Variants in ITPRID1 observed in about 807,000 individuals in gnomAD.
The protein encoded by ITPRID1 is protein ITPRID1.
ITPRID1 carries 96 observed loss-of-function variants against 95.4 expected under a neutral mutation model. The observed-to-expected ratio is 1.01, with a 90% CI of 0.85 to 1.19. The LOEUF (loss-of-function observed/expected upper bound fraction) is 1.19, where lower values mean the gene tolerates loss of function less well. ITPRID1 is among the 50% of genes most tolerant of loss of function. The pLI is 0.00. For synonymous variants in ITPRID1, 510 were observed against 453.6 expected, an observed-to-expected ratio of 1.12 and a Z score of -1.58; for missense variants, 1,339 against 1,252.9, an observed-to-expected ratio of 1.07 and a Z score of -1.04.
chr7:31,647,074 A>G (rs764102441), intron 12 of ITPRID1, among the ~76,000 whole-genome samples: 32 of 152,256 alleles, frequency 2.1e-4, no homozygotes, highest in Non-Finnish European at 3.5e-4. Flanking sequence ...GCAGGCATAC[A>G]TATGCACACA....
At chr7:31,572,024 A>T in intron 6 of ITPRID1, 78 bp from the exon 7 acceptor site, 1 of 893,882 alleles carries the variant, frequency 1.1e-6, no homozygotes, top group Non-Finnish European at 1.8e-6. Flanking sequence ...TTTGCTCTGG[A>T]AGGAAAAGAT....
chr7:31,536,310 A>G (rs1783756501), intron 1 of ITPRID1, among the ~76,000 whole-genome samples: 1 of 151,966 alleles, frequency 6.6e-6, no homozygotes, highest in South Asian at 2.1e-4. Flanking sequence ...CATGTCTTGC[A>G]TTCTTTTTGT....
At chr7:31,626,011 A>G (rs190542857) in intron 10 of ITPRID1, among the ~76,000 whole-genome samples, 1 of 152,210 alleles carries the variant, frequency 6.6e-6, no homozygotes, top group African/African-American at 2.4e-5. Flanking sequence ...AAAAAACTTT[A>G]TGACTAACTC....
intron 10 of ITPRID1, among the ~76,000 whole-genome samples, chr7:31,616,595 T>G (rs1787253749): frequency 6.6e-6 from 1 of 152,164 alleles, no homozygotes; most frequent in Non-Finnish European, 1.5e-5. Flanking sequence ...TCTCATTGAT[T>G]CCACAGGCAC....
chr7:31,526,868 T>C (rs187602039), intron 1 of ITPRID1, among the ~76,000 whole-genome samples: 110 of 152,284 alleles, frequency 7.2e-4, no homozygotes, highest in Non-Finnish European at 1.3e-3. Context: ...CTTCCATTCA[T>C]TCCATTCTCC....
intron 5 of ITPRID1, among the ~76,000 whole-genome samples, chr7:31,568,869 A>T (rs913409509): frequency 6.6e-6 from 1 of 152,196 alleles, no homozygotes; most frequent in South Asian, 2.1e-4. Context: ...TGTTACAGAA[A>T]CAACAACAAC....
intron 5 of ITPRID1, among the ~76,000 whole-genome samples, chr7:31,569,075 A>G (rs926574189): frequency 6.6e-6 from 1 of 152,328 alleles, no homozygotes; most frequent in East Asian, 1.9e-4. Context: ...AGTCAATGTT[A>G]TTGCTGCAAT....
In ITPRID1 at chr7:31,653,123, A is replaced by G; in HGVS notation, c.*294A>G. Reference sequence around the variant, plus strand: ...GTGTAGTGGGGGAGATAGAATTGCAAACAAAAAGTATCTGAGACAGACCTC... The same window carrying G: ...GTGTAGTGGGGGAGATAGAATTGCAGACAAAAAGTATCTGAGACAGACCTC... On this transcript the variant is annotated 3_prime_UTR_variant, in exon 15 of 15. Coordinates refer to ENST00000615280, the MANE Select transcript of ITPRID1 (RefSeq NM_001257967.3). The G allele has an allele frequency of 2.1e-6, 1 of 477,416 alleles. No individual in the cohort carries two copies. The highest frequency in any genetic ancestry group is 3.2e-6 in the Non-Finnish European group (1 of 309,926). 29.6% of individuals were successfully genotyped at this position (477,416 alleles called of 1,614,324 possible).
At chr7:31,640,641 ACTT>A (rs1328255739) in intron 10 of ITPRID1, among the ~76,000 whole-genome samples, 1 of 137,234 alleles carries the variant, frequency 7.3e-6, no homozygotes, top group Non-Finnish European at 1.6e-5. Context: ...GTCTCGAAAA[ACTT>A]TTTTTTTTTT....
At chr7:31,642,595 G>A (rs552456567) in intron 11 of ITPRID1, 87 bp from the exon 12 acceptor site, 3 of 1,216,188 alleles carry the variant, frequency 2.5e-6, no homozygotes, top group Admixed American at 2.5e-5. Flanking sequence ...TGACTCCTAA[G>A]GCAATGACAA....
At chr7:31,624,329 A>C (rs1299911417) in intron 10 of ITPRID1, among the ~76,000 whole-genome samples, 1 of 147,518 alleles carries the variant, frequency 6.8e-6, no homozygotes, top group Non-Finnish European at 1.5e-5. Flanking sequence ...TCCTAAGCCA[A>C]AAGAACACAG....
intron 7 of ITPRID1, among the ~76,000 whole-genome samples, chr7:31,573,869 T>C (rs6952298): frequency 0.49 from 74,050 of 150,166 alleles, 19,209 homozygotes; most frequent in African/African-American, 0.64. Flanking sequence ...TAAAAATATA[T>C]ATAAAATTTT....
intron 10 of ITPRID1, among the ~76,000 whole-genome samples, chr7:31,619,988 C>T (rs1327404409): frequency 6.6e-6 from 1 of 152,178 alleles, no homozygotes; most frequent in Admixed American, 6.5e-5. Flanking sequence ...CCTACGCCCA[C>T]GGAGTCTCGC....
chr7:31,517,789 G>C (rs549516830), intron 1 of ITPRID1: 6 of 152,392 alleles, frequency 3.9e-5, no homozygotes, highest in Non-Finnish European at 8.8e-5. Context: ...AGGGCTCCTC[G>C]AGCGTGGCCA....
intron 5 of ITPRID1, among the ~76,000 whole-genome samples, chr7:31,560,862 T>C (rs1325070157): frequency 6.6e-6 from 1 of 152,132 alleles, no homozygotes; most frequent in African/African-American, 2.4e-5. Context: ...AATAGATATA[T>C]ACATTTGGGA....
At chr7:31,595,385 C>T (rs1033425818) in intron 10 of ITPRID1, among the ~76,000 whole-genome samples, 2 of 151,524 alleles carry the variant, frequency 1.3e-5, no homozygotes, top group Admixed American at 6.6e-5. Context: ...GTATGAGCCA[C>T]ATTTTTATAG....
intron 10 of ITPRID1, among the ~76,000 whole-genome samples, chr7:31,600,872 C>T (rs1786365498): frequency 1.3e-5 from 2 of 152,024 alleles, no homozygotes; most frequent in African/African-American, 2.4e-5. Flanking sequence ...TGTGGATCAT[C>T]AGGAAATGGC....
intron 4 of ITPRID1, 96 bp from the exon 5 acceptor site, chr7:31,554,762 A>G: frequency 8.9e-7 from 1 of 1,125,968 alleles, no homozygotes. Flanking sequence ...CTAAAACCTA[A>G]CTCTGCATTT....
At chr7:31,628,249 T>C (rs1367616891) in intron 10 of ITPRID1, among the ~76,000 whole-genome samples, 1 of 152,106 alleles carries the variant, frequency 6.6e-6, no homozygotes, top group Non-Finnish European at 1.5e-5. Flanking sequence ...CTCCCATTGA[T>C]GGAACACAAG....
Sources: allele counts gnomAD v4.1 joint callset (sites outside exome capture counted in the v4.1 genomes callset), GRCh38; gene constraint gnomAD v4.1.1; transcripts MANE v1.5; gene names NCBI Gene and HGNC (gene_info 2026-07-23, HGNC 2026-07-21).